Variants in AP1S3 observed in about 807,000 individuals in gnomAD.
AP1S3 encodes the protein AP-1 complex subunit sigma-3.
Under a neutral mutation model 20.9 loss-of-function variants are expected in AP1S3, and 10 were observed. The ratio of observed to expected loss-of-function variants is 0.48; its 90% CI spans 0.29 to 0.81. AP1S3 has a LOEUF of 0.81. Among genes scored for constraint, AP1S3 ranks in the 30% least tolerant of loss-of-function variants. The probability of loss-of-function intolerance (pLI) is 0.08; values close to 1 mark genes in which losing one functional copy is unlikely to be tolerated. For missense variants in AP1S3, 154 were observed against 183.8 expected, an observed-to-expected ratio of 0.84 and a Z score of 0.94; for synonymous variants, 41 against 61.5, an observed-to-expected ratio of 0.67 and a Z score of 1.56.
chr2:223,755,749 T>C lies in AP1S3; in HGVS notation c.*2966A>G, dbSNP rs1457001528. The C allele has an allele frequency of 1.4e-6, 1 of 720,652 alleles. No homozygotes were observed. Among genetic ancestry groups the C allele is most frequent in the Non-Finnish European group, 1.7e-6 (1 of 588,418 alleles). The allele number at this position is 720,652 out of a possible 1,614,324, so 44.6% of individuals were successfully genotyped here. ...TTTCACCATGTTGGCCAGGCTGGTC[T>C]CGAACTCCTGACCTCAGGTGATCTG... is the stretch of plus-strand genomic sequence containing the variant. On this transcript the variant is annotated 3_prime_UTR_variant, in exon 5 of 5. Coordinates refer to ENST00000396654, the MANE Select transcript of AP1S3 (RefSeq NM_001039569.2).
chr2:223,771,447 T>A (rs867656101), intron 3 of AP1S3, among the ~76,000 whole-genome samples: 1 of 152,218 alleles, frequency 6.6e-6, no homozygotes, highest in Admixed American at 6.5e-5. Context: ...TCCTTCTAAT[T>A]ATGCAAATAC....
At chr2:223,761,388 C>A (rs1217896393) in intron 4 of AP1S3, among the ~76,000 whole-genome samples, 2 of 152,178 alleles carry the variant, frequency 1.3e-5, no homozygotes, top group Non-Finnish European at 1.5e-5. Flanking sequence ...CACACGAGGG[C>A]ACATAGAATC....
Position 223,783,792 on chromosome 2 carries a change from C to T in AP1S3, c.4-5923G>A, listed in dbSNP as rs1443980326. Among the ~76,000 whole-genome samples, 6 of 152,170 alleles carry T rather than the reference C, an allele frequency of 3.9e-5. No individual in the cohort carries two copies. The East Asian group carries it at 7.7e-4, about 20-fold the overall frequency. On this transcript the variant is annotated intron_variant, in intron 1 of 4. Coordinates refer to ENST00000396654, the MANE Select transcript of AP1S3 (RefSeq NM_001039569.2). The stretch of plus-strand genomic sequence containing the variant: ...GTCACATTCCAAACACCAGCCTTTC[C>T]GGACTAGCTCGTATCTCAGGACCTG...
chr2:223,822,283 T>C lies in AP1S3; in HGVS notation c.3+15165A>G, dbSNP rs183747011. Among the ~76,000 whole-genome samples the C allele has an allele frequency of 6.5e-3, 983 of 152,044 alleles. 8 individuals carry two copies. The highest frequency in any genetic ancestry group is 0.023 in the African/African-American group (933 of 41,438). Reference sequence around the variant, plus strand: ...TGTCACGACCTGTAGTCCCAGCTACTCGGGAGGCTGAGACAAGAGGATTGC... The same window carrying C: ...TGTCACGACCTGTAGTCCCAGCTACCCGGGAGGCTGAGACAAGAGGATTGC... On this transcript the variant is annotated intron_variant, in intron 1 of 4. Coordinates refer to ENST00000396654, the MANE Select transcript of AP1S3 (RefSeq NM_001039569.2).
intron 1 of AP1S3, among the ~76,000 whole-genome samples, chr2:223,836,840 C>A (rs1212765098): frequency 6.6e-6 from 1 of 151,932 alleles, no homozygotes; most frequent in African/African-American, 2.4e-5. Context: ...CCTATAAAAA[C>A]CCGCCTCACC....
At chr2:223,832,370 C>CAAACAAAG (rs1692291790) in intron 1 of AP1S3, among the ~76,000 whole-genome samples, 1 of 151,930 alleles carries the variant, frequency 6.6e-6, no homozygotes, top group Non-Finnish European at 1.5e-5. Context: ...AACAAACAAA[C>CAAACAAAG]AAAACGAGTG....
intron 1 of AP1S3, among the ~76,000 whole-genome samples, chr2:223,785,215 G>A (rs190037712): frequency 0.026 from 3,932 of 152,176 alleles, 176 homozygotes; most frequent in African/African-American, 0.09. Flanking sequence ...GGTGGTGGAC[G>A]CCTGTAATCC....
chr2:223,769,674 AAGAT>A (rs1016460291), intron 3 of AP1S3, among the ~76,000 whole-genome samples: 2 of 152,000 alleles, frequency 1.3e-5, no homozygotes, highest in African/African-American at 4.8e-5. Flanking sequence ...CAAGAGCTCT[AAGAT>A]AGACTTGTAA....
At chr2:223,822,316 C>T (rs1177959757) in intron 1 of AP1S3, among the ~76,000 whole-genome samples, 1 of 151,848 alleles carries the variant, frequency 6.6e-6, no homozygotes, top group Non-Finnish European at 1.5e-5. Context: ...TGCTTGAGCG[C>T]AGGCTGTGGT....
intron 1 of AP1S3, among the ~76,000 whole-genome samples, chr2:223,824,936 C>G (rs1030212783): frequency 6.6e-6 from 1 of 152,064 alleles, no homozygotes; most frequent in African/African-American, 2.4e-5. Context: ...TCCAATAATA[C>G]TGGATACATA....
At chr2:223,767,100 G>A (rs1447009174) in intron 3 of AP1S3, among the ~76,000 whole-genome samples, 1 of 152,074 alleles carries the variant, frequency 6.6e-6, no homozygotes, top group Non-Finnish European at 1.5e-5. Flanking sequence ...GTTGATGAGT[G>A]CAGCAAACCA....
At chr2:223,806,887 TA>T (rs1691595628) in intron 1 of AP1S3, among the ~76,000 whole-genome samples, 1 of 152,206 alleles carries the variant, frequency 6.6e-6, no homozygotes, top group South Asian at 2.1e-4. Context: ...TGGTTTTTTC[TA>T]CATTTCTGTT....
chr2:223,807,349 T>C (rs759943205), intron 1 of AP1S3, among the ~76,000 whole-genome samples: 26 of 152,158 alleles, frequency 1.7e-4, no homozygotes, highest in Non-Finnish European at 3.4e-4. Flanking sequence ...TTTCTGGAAT[T>C]CTGGACAGCT....
chr2:223,831,903 C>T (rs1014224157), intron 1 of AP1S3, among the ~76,000 whole-genome samples: 7 of 151,928 alleles, frequency 4.6e-5, no homozygotes, highest in African/African-American at 1.7e-4. Context: ...GGTGAAACCC[C>T]ATCTCCATTA....
intron 1 of AP1S3, among the ~76,000 whole-genome samples, chr2:223,832,602 T>C (rs545153262): frequency 9.9e-5 from 15 of 152,234 alleles, no homozygotes; most frequent in Admixed American, 7.2e-4. Flanking sequence ...ATTAGTGTAA[T>C]AGACCGCTTC....
intron 3 of AP1S3, among the ~76,000 whole-genome samples, chr2:223,765,622 G>A (rs1332324311): frequency 6.6e-6 from 1 of 152,116 alleles, no homozygotes; most frequent in Non-Finnish European, 1.5e-5. Flanking sequence ...GAGGCCACTC[G>A]GCTCCTCTTC....
In AP1S3 at chr2:223,757,091, G is replaced by C; in HGVS notation, c.*1624C>G. 1 of 712,610 alleles carries C rather than the reference G, an allele frequency of 1.4e-6. No homozygotes were observed. The highest frequency in any genetic ancestry group is 6.3e-5 in the South Asian group (1 of 15,888). 44.1% of individuals were successfully genotyped at this position (712,610 alleles called of 1,614,324 possible). A position where few individuals can be genotyped will look rare whatever the true frequency, so the allele number is the denominator to read the frequency against. On this transcript the variant is annotated 3_prime_UTR_variant, in exon 5 of 5. Coordinates refer to ENST00000396654, the MANE Select transcript of AP1S3 (RefSeq NM_001039569.2). ...TGCAACCTCTGCCTCCTGGGTTCAA[G>C]CCATTCCCCTGCCTCAGCCCCCTGA...
At chr2:223,825,139 C>T (rs1319800856) in intron 1 of AP1S3, among the ~76,000 whole-genome samples, 2 of 151,788 alleles carry the variant, frequency 1.3e-5, no homozygotes, top group South Asian at 2.1e-4. Flanking sequence ...GAAACCCCAT[C>T]TCTACTAAAA....
chr2:223,764,231 TA>T (rs955009810), intron 4 of AP1S3, among the ~76,000 whole-genome samples: 12 of 152,270 alleles, frequency 7.9e-5, no homozygotes, highest in Admixed American at 5.9e-4. Flanking sequence ...ATGCTGATTT[TA>T]AAAAGGTGCT....
Sources: allele counts gnomAD v4.1 joint callset (sites outside exome capture counted in the v4.1 genomes callset), GRCh38; gene constraint gnomAD v4.1.1; transcripts MANE v1.5; gene names NCBI Gene and HGNC (gene_info 2026-07-23, HGNC 2026-07-21).